DLGAP1: variants seen among roughly 807,000 people sequenced by gnomAD.
DLGAP1 encodes the protein DLG associated protein 1.
A neutral mutation model predicts 90.8 loss-of-function variants in DLGAP1; 11 were observed. That is an observed-to-expected ratio of 0.12 (90% CI 0.08 to 0.20). The LOEUF is 0.20. DLGAP1 is among the 10% of genes least tolerant of loss of function. The pLI is 1.00. For missense variants in DLGAP1, 1,050 were observed against 1,333.8 expected, an observed-to-expected ratio of 0.79 and a Z score of 3.31; for synonymous variants, 558 against 540.7, an observed-to-expected ratio of 1.03 and a Z score of -0.44.
At chr18:3,997,741 C>T (rs942488425) in intron 3 of DLGAP1, among the ~76,000 whole-genome samples, 27 of 151,714 alleles carry the variant, frequency 1.8e-4, no homozygotes, top group Middle Eastern at 3.4e-3. Flanking sequence ...TTTTATTTAA[C>T]CCAATATGTC....
intron 1 of DLGAP1, among the ~76,000 whole-genome samples, chr18:4,220,267 G>A (rs972813263): frequency 8.8e-6 from 1 of 114,004 alleles, no homozygotes; most frequent in South Asian, 2.8e-4. Context: ...AACAAAGACA[G>A]TACATAAAAT....
At chr18:4,041,069 A>G (rs2074966828) in intron 2 of DLGAP1, among the ~76,000 whole-genome samples, 1 of 152,202 alleles carries the variant, frequency 6.6e-6, no homozygotes, top group Non-Finnish European at 1.5e-5. Context: ...CAGCAGCTAG[A>G]ACAGAGAGCA....
intron 1 of DLGAP1, among the ~76,000 whole-genome samples, chr18:4,296,578 C>T (rs2079987274): frequency 6.6e-6 from 1 of 152,134 alleles, no homozygotes; most frequent in Non-Finnish European, 1.5e-5. Flanking sequence ...TCCAGTTTTC[C>T]TTCTCTCCTA....
chr18:4,299,705 A>AC (rs71160951), intron 1 of DLGAP1, among the ~76,000 whole-genome samples: 32,600 of 151,962 alleles, frequency 0.21, 3,543 homozygotes, highest in African/African-American at 0.25. Flanking sequence ...ACACACAAAA[A>AC]AAACAAACAA....
At chr18:3,802,722 G>A (rs568559211) in intron 5 of DLGAP1, among the ~76,000 whole-genome samples, 59 of 152,210 alleles carry the variant, frequency 3.9e-4, no homozygotes, top group African/African-American at 1.4e-3. Context: ...GCACTGAATC[G>A]TATATGTGCA....
At chr18:3,739,543 G>T (rs867276966) in intron 6 of DLGAP1, among the ~76,000 whole-genome samples, 1 of 144,278 alleles carries the variant, frequency 6.9e-6, no homozygotes, top group East Asian at 2.1e-4. Flanking sequence ...ACCAAACACC[G>T]CATATTCTCA....
chr18:4,124,611 A>T (rs1242366007), intron 2 of DLGAP1, among the ~76,000 whole-genome samples: 5 of 152,326 alleles, frequency 3.3e-5, no homozygotes, highest in African/African-American at 1.2e-4. Flanking sequence ...TTCACCATAA[A>T]ATATTTTGCT....
chr18:3,655,857 A>G (rs1038021191), intron 7 of DLGAP1: 92 of 473,582 alleles, frequency 1.9e-4, no homozygotes, highest in South Asian at 4.9e-4. Flanking sequence ...AGACAGAAAC[A>G]GACATGTTGG....
At position 4,187,599 on chromosome 18, in the gene DLGAP1, C is replaced by T. The variant is rs181516011; in HGVS notation, c.-266-36312G>A. On this transcript the variant is annotated intron_variant, in intron 1 of 12. Transcript: ENST00000315677. ...AAAAGCAGAGTATGATTAGTATCAT[C>T]CATTTTCTGTATTGTTGCTGTGAGA... Among the ~76,000 whole-genome samples the T allele has an allele frequency of 1.6e-3, 248 of 152,196 alleles. 2 individuals carry two copies. Among genetic ancestry groups the T allele is most frequent in the African/African-American group, 5.8e-3 (240 of 41,524 alleles).
chr18:4,275,721 C>T (rs891096692), intron 1 of DLGAP1, among the ~76,000 whole-genome samples: 4 of 151,800 alleles, frequency 2.6e-5, no homozygotes, highest in South Asian at 4.2e-4. Context: ...TACTATTAGA[C>T]GATGTGTTAA....
At chr18:4,404,036 G>A (rs1483504046) in intron 1 of DLGAP1, among the ~76,000 whole-genome samples, 1 of 152,096 alleles carries the variant, frequency 6.6e-6, no homozygotes, top group Non-Finnish European at 1.5e-5. Context: ...CTGCCAAATT[G>A]CTCTCAGGAT....
intron 1 of DLGAP1, among the ~76,000 whole-genome samples, chr18:4,301,277 C>A (rs1317150626): frequency 1.3e-5 from 2 of 152,116 alleles, no homozygotes; most frequent in Non-Finnish European, 2.9e-5. Context: ...GCCCTTTGAC[C>A]ACCATTTCCC....
chr18:4,087,898 T>C (rs2075710384), intron 2 of DLGAP1, among the ~76,000 whole-genome samples: 1 of 152,180 alleles, frequency 6.6e-6, no homozygotes, highest in Admixed American at 6.5e-5. Context: ...ATTTGTTATG[T>C]TGAGACCATT....
intron 5 of DLGAP1, among the ~76,000 whole-genome samples, chr18:3,809,663 C>T (rs1568171449): frequency 6.6e-6 from 1 of 152,230 alleles, no homozygotes; most frequent in East Asian, 1.9e-4. Context: ...GAGAATTTTT[C>T]TTAGTGCTTG....
intron 7 of DLGAP1, among the ~76,000 whole-genome samples, chr18:3,612,706 G>C (rs1382108272): frequency 2.6e-5 from 4 of 152,208 alleles, no homozygotes. Flanking sequence ...TTTCATAAAA[G>C]AAGTTCTGAA....
intron 1 of DLGAP1, among the ~76,000 whole-genome samples, chr18:4,309,275 G>T (rs1262886804): frequency 6.6e-6 from 1 of 152,166 alleles, no homozygotes; most frequent in African/African-American, 2.4e-5. Flanking sequence ...AAACCGCTTG[G>T]GGAAATGGAA....
chr18:3,915,003 A>G (rs944402341), intron 3 of DLGAP1, among the ~76,000 whole-genome samples: 2 of 152,150 alleles, frequency 1.3e-5, no homozygotes, highest in African/African-American at 4.8e-5. Context: ...TCAGCCTCCT[A>G]AACTGCTGGG....
intron 7 of DLGAP1, among the ~76,000 whole-genome samples, chr18:3,659,442 A>AC (rs1339165633): frequency 1.1e-5 from 1 of 94,254 alleles, no homozygotes; most frequent in African/African-American, 6.5e-5. Flanking sequence ...CACGGATGCT[A>AC]CCACCCCCCG....
At chr18:3,998,934 C>T (rs11081082) in intron 3 of DLGAP1, among the ~76,000 whole-genome samples, 80,886 of 151,984 alleles carry the variant, frequency 0.53, 21,840 homozygotes, top group Admixed American at 0.58. Context: ...TGTTCTGCCA[C>T]CTACTGGACA....
Sources: gnomAD v4.1 joint callset for allele counts (sites outside exome capture counted in the v4.1 genomes callset) on GRCh38, gnomAD v4.1.1 for gene constraint, MANE v1.5 for transcripts, NCBI Gene and HGNC (gene_info 2026-07-23, HGNC 2026-07-21) for gene names.